Variants in ANO4 observed in about 807,000 individuals in gnomAD.
ANO4 encodes anoctamin 4, also known as anoctamin-4.
ANO4 carries 69 observed loss-of-function variants against 141.9 expected under a neutral mutation model. The ratio of observed to expected loss-of-function variants is 0.49; its 90% CI spans 0.40 to 0.59. The LOEUF (loss-of-function observed/expected upper bound fraction) is 0.59, where lower values mean the gene tolerates loss of function less well. Among genes scored for constraint, ANO4 ranks in the 20% least tolerant of loss-of-function variants. The probability of loss-of-function intolerance (pLI) is 0.00; values close to 1 mark genes in which losing one functional copy is unlikely to be tolerated. For synonymous variants in ANO4, 350 were observed against 394.3 expected (o/e 0.89, Z 1.33); for missense variants, 894 against 1,162.2 (o/e 0.77, Z 3.36).
At chr12:101,031,365 G>A (rs1406784086) in intron 9 of ANO4, among the ~76,000 whole-genome samples, 1 of 152,074 alleles carries the variant, frequency 6.6e-6, no homozygotes, top group African/African-American at 2.4e-5. Flanking sequence ...TGCAGAAAAG[G>A]CCTTCAATAA....
chr12:100,782,206 C>A (rs1005342878), intron 3 of ANO4, among the ~76,000 whole-genome samples: 6 of 152,196 alleles, frequency 3.9e-5, no homozygotes, highest in African/African-American at 1.4e-4. Context: ...CATCTCACAT[C>A]TTTCCGATGT....
intron 5 of ANO4, among the ~76,000 whole-genome samples, chr12:100,965,450 C>T (rs2043611158): frequency 6.6e-6 from 1 of 152,106 alleles, no homozygotes; most frequent in Non-Finnish European, 1.5e-5. Context: ...GCAAAACATG[C>T]AGCACGCACT....
intron 4 of ANO4, among the ~76,000 whole-genome samples, chr12:100,941,326 G>A (rs2042501740): frequency 6.6e-6 from 1 of 151,856 alleles, no homozygotes; most frequent in Non-Finnish European, 1.5e-5. Context: ...ATTTTATTGT[G>A]TTTTATTCTC....
chr12:100,932,550 T>A (rs949464472), intron 3 of ANO4, among the ~76,000 whole-genome samples: 5 of 152,198 alleles, frequency 3.3e-5, no homozygotes, highest in Admixed American at 1.3e-4. Context: ...ATATTTGTGA[T>A]CTCTTATCCA....
chr12:101,009,700 C>G (rs2046004436), intron 8 of ANO4, among the ~76,000 whole-genome samples: 1 of 151,984 alleles, frequency 6.6e-6, no homozygotes, highest in South Asian at 2.1e-4. Context: ...TGATGTGGTT[C>G]TATGTTTACT....
chr12:100,775,897 A>G (rs1004898939), intron 3 of ANO4, among the ~76,000 whole-genome samples: 10 of 151,610 alleles, frequency 6.6e-5, no homozygotes, highest in Non-Finnish European at 1.5e-5. Flanking sequence ...TTAAGTACCT[A>G]TGATTTCTTT....
chr12:100,967,767 T>G (rs190128431), intron 5 of ANO4, among the ~76,000 whole-genome samples: 1 of 152,372 alleles, frequency 6.6e-6, no homozygotes, highest in East Asian at 1.9e-4. Context: ...TGTTGCTTTG[T>G]TTTCTAAAAT....
Position 101,020,095 on chromosome 12 carries a change from C to T in ANO4, c.796C>T (p.His266Tyr). 6.2e-7 allele frequency: 1 copy of T among 1,613,452 alleles called. No individual in the cohort carries two copies. ...NNATRSRIVH[H>Y]ILQRIKYEEG... is the part of the protein sequence containing the mutation. The stretch of plus-strand genomic sequence containing the variant: ...TGCCACAAGAAGTAGAATCGTGCAT[C>T]ACATTTTACAAAGAATAAAATATGA... Residue 266 changes from histidine (H) to tyrosine (Y), a missense_variant, in exon 9 of 28, where the codon CAC (histidine) becomes TAC (tyrosine). His to Tyr is a moderately conservative substitution (Grantham distance 83, BLOSUM62 2). Transcript: ENST00000392977.
At chr12:100,802,411 G>A (rs550044566) in intron 1 of ANO4, among the ~76,000 whole-genome samples, 1 of 152,236 alleles carries the variant, frequency 6.6e-6, no homozygotes, top group East Asian at 1.9e-4. Context: ...AAGAATGAGT[G>A]AACATATTCT....
chr12:100,824,555 C>T (rs886549696), intron 1 of ANO4, among the ~76,000 whole-genome samples: 1 of 152,002 alleles, frequency 6.6e-6, no homozygotes, highest in Non-Finnish European at 1.5e-5. Flanking sequence ...GGTACAGTGT[C>T]ACATTAGCTG....
intron 1 of ANO4, among the ~76,000 whole-genome samples, chr12:100,725,675 C>T (rs911381464): frequency 2.6e-5 from 4 of 152,120 alleles, no homozygotes; most frequent in African/African-American, 9.7e-5. Context: ...GTCAACCTGG[C>T]CTATGCCTAA....
intron 13 of ANO4, among the ~76,000 whole-genome samples, chr12:101,046,977 C>T (rs556186647): frequency 1.2e-3 from 177 of 152,306 alleles, no homozygotes; most frequent in African/African-American, 3.9e-3. Context: ...AGGCTGGGCG[C>T]GGTGGCTCAC....
chr12:101,035,824 G>A (rs891118283), intron 9 of ANO4, among the ~76,000 whole-genome samples: 2 of 152,160 alleles, frequency 1.3e-5, no homozygotes, highest in Non-Finnish European at 2.9e-5. Flanking sequence ...GGACAAAGAA[G>A]GGAACAGGAG....
At chr12:101,083,534 C>A (rs1346662599) in intron 15 of ANO4, 144 bp from the exon 16 acceptor site, 14 of 926,992 alleles carry the variant, frequency 1.5e-5, no homozygotes, top group Non-Finnish European at 2.1e-5. Flanking sequence ...AACATTTAAG[C>A]CTGGGCACCC....
chr12:100,981,808 C>G (rs1475244628), intron 7 of ANO4, among the ~76,000 whole-genome samples: 2 of 152,146 alleles, frequency 1.3e-5, no homozygotes, highest in African/African-American at 4.8e-5. Context: ...GGTCTCCTGA[C>G]AGGTTAGCAT....
At chr12:100,811,471 C>T (rs976323095) in intron 1 of ANO4, among the ~76,000 whole-genome samples, 1 of 151,956 alleles carries the variant, frequency 6.6e-6, no homozygotes, top group African/African-American at 2.4e-5. Context: ...TTTTATGGCT[C>T]CCAGCCAGGT....
At chr12:100,786,314 G>T (rs982464090) in intron 3 of ANO4, among the ~76,000 whole-genome samples, 3 of 152,238 alleles carry the variant, frequency 2.0e-5, no homozygotes, top group Admixed American at 6.5e-5. Context: ...CCACTTCTTT[G>T]GATGCACTAT....
intron 1 of ANO4, among the ~76,000 whole-genome samples, chr12:100,845,574 TAG>T (rs1322813791): frequency 1.3e-5 from 2 of 152,178 alleles, no homozygotes; most frequent in African/African-American, 2.4e-5. Context: ...ATGTTTGCAA[TAG>T]AGTCTTTTTA....
At chr12:100,855,935 G>A (rs1260852739) in intron 1 of ANO4, among the ~76,000 whole-genome samples, 2 of 152,108 alleles carry the variant, frequency 1.3e-5, no homozygotes, top group Non-Finnish European at 2.9e-5. Flanking sequence ...GGAGCAAGTG[G>A]TACAGTCAAA....
Sources: allele counts gnomAD v4.1 joint callset (sites outside exome capture counted in the v4.1 genomes callset), GRCh38; gene constraint gnomAD v4.1.1; transcripts MANE v1.5; gene names NCBI Gene and HGNC (gene_info 2026-07-23, HGNC 2026-07-21).